The following ULBP3 variants were observed in gnomAD, a reference collection of about 807,000 sequenced individuals.
ULBP3 encodes the protein UL16 binding protein 3.
Under a neutral mutation model 24.9 loss-of-function variants are expected in ULBP3, and 25 were observed. That is an observed-to-expected ratio of 1.00 (90% CI 0.73 to 1.40). The LOEUF (loss-of-function observed/expected upper bound fraction) is 1.40, where lower values mean the gene tolerates loss of function less well. Among genes scored for constraint, ULBP3 ranks in the 40% most tolerant of loss-of-function variants. ULBP3 has a pLI of 0.00. For missense variants in ULBP3, 306 were observed against 307.5 expected (o/e 1.00, Z 0.04); for synonymous variants, 114 against 114.7 (o/e 0.99, Z 0.04).
Position 150,068,982 on chromosome 6 carries a change from C to T in ULBP3, c.85G>A (p.Ala29Thr), listed in dbSNP as rs113233347. 166,378 of 1,606,764 alleles carry T rather than the reference C, an allele frequency of 0.1. 9,242 individuals carry two copies. The highest frequency in any genetic ancestry group is 0.15 in the Middle Eastern group (904 of 6,036). ...TAGGCTCCATCCCCGAACTCACCGG[C>T]CCGCCCCGTCCCGGACCAGTCGAAT... ...LLFDWSGTGR[A>T]DAHSLWYNFT... Residue 29 changes from alanine to threonine, a missense_variant, in exon 1 of 5, where the codon GCC becomes ACC. Physicochemically the swap from Ala to Thr is moderately conservative, Grantham distance 58. Coordinates refer to ENST00000367339, the MANE Select transcript of ULBP3 (RefSeq NM_024518.3).
chr6:150,063,673 G>A (rs1246458698), intron 4 of ULBP3, among the ~76,000 whole-genome samples: 5 of 152,204 alleles, frequency 3.3e-5, no homozygotes, highest in African/African-American at 1.2e-4. Context: ...CCTGTCCAAA[G>A]AGAGGTCTCT....
chr6:150,064,888 T>G (rs1469753702), intron 3 of ULBP3, among the ~76,000 whole-genome samples, 175 bp from the exon 4 acceptor site: 2 of 151,890 alleles, frequency 1.3e-5, no homozygotes, highest in African/African-American at 4.8e-5. Flanking sequence ...GTGCTCCCTG[T>G]CCTCAGGGAG....
chr6:150,067,635 G>A (rs552987736), intron 1 of ULBP3, among the ~76,000 whole-genome samples: 2 of 152,246 alleles, frequency 1.3e-5, no homozygotes, highest in African/African-American at 4.8e-5. Flanking sequence ...AGTTTGTGCT[G>A]GTCATATGAC....
At position 150,061,729 on chromosome 6, in the gene ULBP3, T is replaced by C. The variant is rs1012073154; in HGVS notation, c.*1645A>G. Among the ~76,000 whole-genome samples the C allele has an allele frequency of 6.6e-6, 1 of 152,246 alleles. No individual in the cohort carries two copies. On this transcript the variant is annotated 3_prime_UTR_variant, in exon 5 of 5. Coordinates refer to ENST00000367339, the MANE Select transcript of ULBP3 (RefSeq NM_024518.3). The stretch of plus-strand genomic sequence containing the variant: ...TGTAATGAACATATTGGTGCAGGTG[T>C]CTTTTGGATAAAATGAATTCTTTTC...
chr6:150,067,362 A>C (rs1423241568), intron 1 of ULBP3, among the ~76,000 whole-genome samples: 2 of 152,196 alleles, frequency 1.3e-5, no homozygotes, highest in African/African-American at 4.8e-5. Flanking sequence ...CACTCTGGTA[A>C]CTGTACACCA....
rs150358206 is a variant in ULBP3 at position 150,061,457 on chromosome 6, C to G, written c.*1917G>C. Reference sequence around the variant, plus strand: ...CTAGTAATCTCCAGTGCCTCTGGTTCATGTGAATTCAATGTGTAGCTGCCA... The same window carrying G: ...CTAGTAATCTCCAGTGCCTCTGGTTGATGTGAATTCAATGTGTAGCTGCCA... On this transcript the variant is annotated 3_prime_UTR_variant, in exon 5 of 5. Coordinates refer to ENST00000367339, the MANE Select transcript of ULBP3 (RefSeq NM_024518.3). Among the ~76,000 whole-genome samples the G allele has an allele frequency of 1.1e-3, 175 of 152,290 alleles. 1 individual carries two copies. The highest frequency in any genetic ancestry group is 3.9e-3 in the African/African-American group (164 of 41,564).
chr6:150,069,010 C>A lies in ULBP3; in HGVS notation c.57G>T (p.Leu19=), dbSNP rs745607366. Residue 19 remains leucine (L), a synonymous_variant, in exon 1 of 5, where the codon CTG becomes CTT. Transcript: ENST00000367339. ...GCCCCGTCCCGGACCAGTCGAATAG[C>A]AGGTACGGAAGAATCGCGAGGCGCG... The part of the protein sequence containing the change: ...ILPRLAILPY[L]LFDWSGTGRA... 33 of 1,612,128 alleles carry A rather than the reference C, an allele frequency of 2.0e-5. No homozygotes were observed. The highest frequency in any genetic ancestry group is 2.5e-6 in the Non-Finnish European group (3 of 1,179,196).
chr6:150,065,296 C>T (rs963532264), intron 3 of ULBP3, 102 bp downstream of exon 3: 84 of 1,509,114 alleles, frequency 5.6e-5, no homozygotes, highest in Middle Eastern at 2.0e-4. Flanking sequence ...CTCACACCCA[C>T]TCACACCCAT....
intron 4 of ULBP3, among the ~76,000 whole-genome samples, chr6:150,064,140 G>T (rs1472911367): frequency 6.6e-6 from 1 of 152,148 alleles, no homozygotes; most frequent in African/African-American, 2.4e-5. Flanking sequence ...GATTCCCCCA[G>T]GTTTCTCTCT....
chr6:150,063,473 TC>T, intron 4 of ULBP3, 122 bp from the exon 5 acceptor site: 2 of 432,044 alleles, frequency 4.6e-6, no homozygotes, highest in Non-Finnish European at 6.2e-6. Context: ...AACATGTTTT[TC>T]CCTCCAACCC....
At chr6:150,065,819 T>A in intron 2 of ULBP3, 80 bp downstream of exon 2, 1 of 1,585,056 alleles carries the variant, frequency 6.3e-7, no homozygotes, top group Non-Finnish European at 8.6e-7. Flanking sequence ...AGGTCCCATG[T>A]CTAATTTCTT....
chr6:150,064,544 C>T, intron 4 of ULBP3, 41 bp downstream of exon 4: 1 of 1,558,924 alleles, frequency 6.4e-7, no homozygotes, highest in Non-Finnish European at 8.8e-7. Context: ...CCCACCTCAC[C>T]CATCTGTCTC....
chr6:150,064,771 G>A, intron 3 of ULBP3, 58 bp from the exon 4 acceptor site: 1 of 1,533,048 alleles, frequency 6.5e-7, no homozygotes, highest in South Asian at 1.2e-5. Context: ...TGAGGAGATG[G>A]CTCCTTAGCT....
rs187693130 is a variant in ULBP3 at position 150,066,636 on chromosome 6, A to T, written c.89-474T>A. ...CCTTGGAACCTTGGAAAAAGGAATG[A>T]CCCACACCGCATGAAACAGAAAACC... is the stretch of plus-strand genomic sequence containing the variant. On this transcript the variant is annotated intron_variant, in intron 1 of 4. Transcript: ENST00000367339. Among the ~76,000 whole-genome samples, 8 of 152,170 alleles carry T rather than the reference A, an allele frequency of 5.3e-5. No individual in the cohort carries two copies. In the East Asian group the frequency reaches 1.5e-3, roughly 29 times the overall value.
In ULBP3 at chr6:150,065,505, TC is replaced by T; in HGVS notation, c.520del (p.Glu174ArgfsTer6). ...GAAGGTGGTCAGTCCGCTATCCTTCTCCCACTTCTCTTTCATCCGCCTGGCT... is the reference window on the plus strand; with the variant it reads ...GAAGGTGGTCAGTCCGCTATCCTTCTCCACTTCTCTTTCATCCGCCTGGCT... Reference protein sequence around the residue: ...AGARRMKEKWEKDSGLTTFFK... With the variant: ...AGARRMKEKWXKDSGLTTFFK... On this transcript the variant is annotated frameshift_variant, in exon 3 of 5. Coordinates refer to ENST00000367339, the MANE Select transcript of ULBP3 (RefSeq NM_024518.3). LOFTEE classifies it high-confidence loss of function. 1 of 1,614,172 alleles carries T rather than the reference TC, an allele frequency of 6.2e-7. No individual in the cohort carries two copies. The highest frequency in any genetic ancestry group is 1.1e-5 in the South Asian group (1 of 91,080).
At position 150,065,526 on chromosome 6, in the gene ULBP3, C is replaced by T; in HGVS notation, c.500G>A (p.Arg167Lys). The change falls in exon 3 of 5, where the codon AGG (arginine) becomes AAG (lysine). Residue 167 changes from arginine to lysine, a missense_variant. Transcript: ENST00000367339. ...CTTCTCCCACTTCTCTTTCATCCGC[C>T]TGGCTCCAGCGTGAACCACTGTCCA... ...RKWTVVHAGA[R>K]RMKEKWEKDS... The T allele has an allele frequency of 6.2e-7, 1 of 1,614,192 alleles. No homozygotes were observed. The highest frequency in any genetic ancestry group is 1.1e-5 in the South Asian group (1 of 91,082).
chr6:150,068,779 C>G (rs530926684), intron 1 of ULBP3, among the ~76,000 whole-genome samples, 200 bp downstream of exon 1: 1 of 152,220 alleles, frequency 6.6e-6, no homozygotes, highest in Non-Finnish European at 1.5e-5. Context: ...TCTTTGACCC[C>G]CCTCCTGCTC....
At chr6:150,066,517 G>C (rs777113471) in intron 1 of ULBP3, among the ~76,000 whole-genome samples, 18 of 152,164 alleles carry the variant, frequency 1.2e-4, no homozygotes, top group Non-Finnish European at 2.1e-4. Flanking sequence ...CAGTGGGTAC[G>C]ATGTAGTTAA....
At position 150,068,868 on chromosome 6, in the gene ULBP3, G is replaced by A. The variant is rs148522978; in HGVS notation, c.88+111C>T. 252 of 1,155,472 alleles carry A rather than the reference G, an allele frequency of 2.2e-4. 1 individual carries two copies. The African/African-American group carries it at 3.4e-3, about 15-fold the overall frequency. The allele number at this position is 1,155,472 out of a possible 1,614,324, so 71.6% of individuals were successfully genotyped here. ...TCGGAACTGAGCGTGGGGGCAGTCC[G>A]GGGAGATCGCGCCGGTCCTTCTAGA... On this transcript the variant is annotated intron_variant, in intron 1 of 4. Transcript: ENST00000367339.
Sources: allele counts gnomAD v4.1 joint callset (sites outside exome capture counted in the v4.1 genomes callset), GRCh38; gene constraint gnomAD v4.1.1; transcripts MANE v1.5; gene names NCBI Gene and HGNC (gene_info 2026-07-23, HGNC 2026-07-21).